TMEM168: variants seen among roughly 807,000 people sequenced by gnomAD.
The protein encoded by TMEM168 is transmembrane protein 168.
A neutral mutation model predicts 53.2 loss-of-function variants in TMEM168; 40 were observed. The ratio of observed to expected loss-of-function variants is 0.75; its 90% confidence interval spans 0.58 to 0.98. The LOEUF (loss-of-function observed/expected upper bound fraction) is 0.98. Among genes scored for constraint, TMEM168 ranks in the 50% least tolerant of loss-of-function variants. TMEM168 has a pLI of 0.00. For missense variants in TMEM168, 771 were observed against 828.8 expected, an observed-to-expected ratio of 0.93 and a Z score of 0.86; for synonymous variants, 282 against 293.0, an observed-to-expected ratio of 0.96 and a Z score of 0.38.
Position 112,784,486 on chromosome 7 carries a change from A to C in TMEM168, c.340T>G (p.Phe114Val), listed in dbSNP as rs1337748836. 6.2e-7 allele frequency: 1 copy of C among 1,614,136 alleles called. No individual in the cohort carries two copies. Among genetic ancestry groups the C allele is most frequent in the Admixed American group, 1.7e-5 (1 of 60,024 alleles). ...GLLCFLDNSS[F>V]KNDVKEESTK... Reference sequence around the variant, plus strand: ...GATTCTTCTTTTACATCATTTTTAAAGGATGAATTATCAAGAAAACATAGG... The same window carrying C: ...GATTCTTCTTTTACATCATTTTTAACGGATGAATTATCAAGAAAACATAGG... Residue 114 changes from phenylalanine to valine, a missense_variant, in exon 2 of 5, where the codon TTT becomes GTT. Transcript: ENST00000312814.
At chr7:112,768,037 A>G (rs1016874902) in intron 4 of TMEM168, among the ~76,000 whole-genome samples, 1 of 152,194 alleles carries the variant, frequency 6.6e-6, no homozygotes, top group Non-Finnish European at 1.5e-5. Flanking sequence ...ACACAGTTGT[A>G]TTTAGTGAAA....
rs1477276727 is a variant in TMEM168, at chr7:112,778,149, C to G, written c.1129-2831G>C. 37 of 152,188 alleles carry G rather than the reference C, an allele frequency of 2.4e-4. 1 individual carries two copies. The allele number at this position is 152,188 out of a possible 1,614,324, so 9.4% of individuals were successfully genotyped here. On this transcript the variant is annotated intron_variant, in intron 2 of 4. Coordinates refer to ENST00000312814, the MANE Select transcript of TMEM168 (RefSeq NM_022484.6). ...AGGACACAAGGGCAGAAAGCAAGTT[C>G]ATGAGAGGGCTATAACACACATGGC...
chr7:112,781,829 C>A (rs1032176861), intron 2 of TMEM168, among the ~76,000 whole-genome samples: 1 of 151,898 alleles, frequency 6.6e-6, no homozygotes, highest in African/African-American at 2.4e-5. Context: ...GCAAAGAATT[C>A]TTAGATAAGA....
chr7:112,790,020 T>G (rs1331597943), intron 1 of TMEM168, 140 bp downstream of exon 1: 2 of 152,188 alleles, frequency 1.3e-5, no homozygotes, highest in African/African-American at 2.4e-5. Context: ...CAACCACCAC[T>G]GTCAACTCCT....
chr7:112,770,256 C>T (rs1227639651), intron 4 of TMEM168, among the ~76,000 whole-genome samples: 1 of 152,136 alleles, frequency 6.6e-6, no homozygotes, highest in Non-Finnish European at 1.5e-5. Flanking sequence ...AACCTGACTA[C>T]CCACAAGTAT....
At chr7:112,775,733 A>G (rs2116257466) in intron 2 of TMEM168, among the ~76,000 whole-genome samples, 1 of 152,312 alleles carries the variant, frequency 6.6e-6, no homozygotes, top group South Asian at 2.1e-4. Flanking sequence ...CTTTATCAAA[A>G]AGAGTGCTTT....
intron 2 of TMEM168, among the ~76,000 whole-genome samples, chr7:112,782,073 T>A (rs1188114010): frequency 6.6e-6 from 1 of 152,110 alleles, no homozygotes; most frequent in African/African-American, 2.4e-5. Flanking sequence ...GCAAAAGATG[T>A]GAATATTTAA....
chr7:112,784,904 G>C lies in TMEM168; in HGVS notation c.-79C>G. On this transcript the variant is annotated 5_prime_UTR_variant, in exon 2 of 5. Transcript: ENST00000312814. Reference sequence around the variant, plus strand: ...TTCATCCAGTATATCCAATGTATCCGCAACTCCTATTTCAACATTTTCTCT... The same window carrying C: ...TTCATCCAGTATATCCAATGTATCCCCAACTCCTATTTCAACATTTTCTCT... The C allele has an allele frequency of 2.4e-6, 3 of 1,245,406 alleles. No individual in the cohort carries two copies. The highest frequency in any genetic ancestry group is 3.2e-6 in the Non-Finnish European group (3 of 946,280). 77.1% of individuals were successfully genotyped at this position (1,245,406 alleles called of 1,614,324 possible). A position where few individuals can be genotyped will look rare whatever the true frequency, so the allele number is the denominator to read the frequency against.
rs1483570699 is a variant in TMEM168, at chr7:112,790,380, C to T, written c.-349G>A. 1 of 152,248 alleles carries T rather than the reference C, an allele frequency of 6.6e-6. No individual in the cohort carries two copies. The allele number at this position is 152,248 out of a possible 1,614,324, so 9.4% of individuals were successfully genotyped here. A position where few individuals can be genotyped will look rare whatever the true frequency, so the allele number is the denominator to read the frequency against. ...CCCGGCCGCGACCGCCATGTTTCCG[C>T]CGCCGAAATCCGCGACGGTACGGAA... On this transcript the variant is annotated 5_prime_UTR_variant, in exon 1 of 5. Transcript: ENST00000312814.
intron 2 of TMEM168, among the ~76,000 whole-genome samples, chr7:112,776,779 GATAC>G (rs1049447738): frequency 1.5e-4 from 22 of 150,804 alleles, no homozygotes; most frequent in African/African-American, 4.6e-4. Context: ...ACCAAAATGG[GATAC>G]ATAATCTATC....
In TMEM168 at chr7:112,784,850, C is replaced by T. The variant is rs1470204344; in HGVS notation, c.-25G>A. 2 of 1,516,306 alleles carry T rather than the reference C, an allele frequency of 1.3e-6. No homozygotes were observed. Among genetic ancestry groups the T allele is most frequent in the Non-Finnish European group, 1.8e-6 (2 of 1,141,262 alleles). 93.9% of individuals were successfully genotyped at this position (1,516,306 alleles called of 1,614,324 possible). The stretch of plus-strand genomic sequence containing the variant: ...TGTAACCAGCAATGTGGGCTTTTCC[C>T]TCACGTTACAAAAATTAACCGCTTG... On this transcript the variant is annotated 5_prime_UTR_variant, in exon 2 of 5. Transcript: ENST00000312814.
rs374321380 is a variant in TMEM168 at position 112,784,020 on chromosome 7, A to G, written c.806T>C (p.Phe269Ser). The G allele has an allele frequency of 6.8e-6, 11 of 1,613,294 alleles. No individual in the cohort carries two copies. In the African/African-American group the frequency reaches 1.3e-4, roughly 20 times the overall value. The change falls in exon 2 of 5, where the codon TTT becomes TCT. Residue 269 changes from phenylalanine (F) to serine (S), a missense_variant. Phe to Ser is a radical substitution (Grantham distance 155). Coordinates refer to ENST00000312814, the MANE Select transcript of TMEM168 (RefSeq NM_022484.6). ...AAATGTAAGCTCAATCATTCCAGCA[A>G]AAACGACTGAAAGTCTTCTGCAAAT... Reference protein sequence around the residue: ...GRICRRLSVVFAGMIELTFFI... With the variant: ...GRICRRLSVVSAGMIELTFFI...
rs1225140242 is a variant in TMEM168, at chr7:112,767,051, A to T, written c.*146T>A. The T allele has an allele frequency of 2.5e-6, 2 of 811,098 alleles. No individual in the cohort carries two copies. The highest frequency in any genetic ancestry group is 2.7e-5 in the East Asian group (1 of 37,274). 50.2% of individuals were successfully genotyped at this position (811,098 alleles called of 1,614,324 possible). A position where few individuals can be genotyped will look rare whatever the true frequency, so the allele number is the denominator to read the frequency against. On this transcript the variant is annotated 3_prime_UTR_variant, in exon 5 of 5. Transcript: ENST00000312814. ...TTTTTCCCAACGCCTTATATATACC[A>T]TAATTACTTAAGAAAAGACAAAGTG... is the stretch of plus-strand genomic sequence containing the variant.
At chr7:112,776,887 A>G (rs1013049180) in intron 2 of TMEM168, among the ~76,000 whole-genome samples, 9 of 152,188 alleles carry the variant, frequency 5.9e-5, no homozygotes, top group African/African-American at 2.2e-4. Context: ...AGTGGATCCC[A>G]TTATTGGTAT....
At chr7:112,779,585 C>T (rs1478817056) in intron 2 of TMEM168, among the ~76,000 whole-genome samples, 1 of 152,114 alleles carries the variant, frequency 6.6e-6, no homozygotes, top group East Asian at 1.9e-4. Flanking sequence ...CCAAATTATC[C>T]TCAGCTCATT....
At chr7:112,777,216 A>G (rs1793108300) in intron 2 of TMEM168, among the ~76,000 whole-genome samples, 1 of 152,158 alleles carries the variant, frequency 6.6e-6, no homozygotes, top group South Asian at 2.1e-4. Flanking sequence ...CATTAAGAAG[A>G]TATTTTAACA....
chr7:112,777,031 A>G lies in TMEM168; in HGVS notation c.1129-1713T>C, dbSNP rs202107426. On this transcript the variant is annotated intron_variant, in intron 2 of 4. Transcript: ENST00000312814. The stretch of plus-strand genomic sequence containing the variant: ...TGTTAAATATTTTGCCCACCTTTCT[A>G]TGGGGTTGACCTTTTCTTCACTGAT... 3.3e-5 allele frequency among the ~76,000 whole-genome samples: 5 copies of G among 152,166 alleles called. No individual in the cohort carries two copies. In the East Asian group the frequency reaches 7.7e-4, roughly 23 times the overall value.
Position 112,765,463 on chromosome 7 carries a change from G to A in TMEM168, c.*1734C>T, listed in dbSNP as rs1407295952. ...TTTAAAGCTAACCTGCTCACAAATA[G>A]CTGAGAAATTTAAAAGGAGATTTTA... On this transcript the variant is annotated 3_prime_UTR_variant, in exon 5 of 5. Coordinates refer to ENST00000312814, the MANE Select transcript of TMEM168 (RefSeq NM_022484.6). 1.3e-5 allele frequency: 2 copies of A among 152,080 alleles called. No individual in the cohort carries two copies. Among genetic ancestry groups the A allele is most frequent in the African/African-American group, 4.8e-5 (2 of 41,418 alleles). 9.4% of individuals were successfully genotyped at this position (152,080 alleles called of 1,614,324 possible).
Position 112,784,643 on chromosome 7 carries a change from A to G in TMEM168, c.183T>C (p.Asn61=), listed in dbSNP as rs1284157550. The change falls in exon 2 of 5, where the codon AAT becomes AAC. Residue 61 remains asparagine (N), a synonymous_variant. Coordinates refer to ENST00000312814, the MANE Select transcript of TMEM168 (RefSeq NM_022484.6). ...GLYVRWEKTA[N]SLILVIFILG... Reference sequence around the variant, plus strand: ...GAATAAAAATTACCAAAATTAAGGAATTTGCTGTTTTTTCCCATCTTACGT... The same window carrying G: ...GAATAAAAATTACCAAAATTAAGGAGTTTGCTGTTTTTTCCCATCTTACGT... The G allele has an allele frequency of 6.2e-7, 1 of 1,612,098 alleles. No homozygotes were observed. Among genetic ancestry groups the G allele is most frequent in the Non-Finnish European group, 8.5e-7 (1 of 1,179,490 alleles).
Sources: gnomAD v4.1 joint callset for allele counts (sites outside exome capture counted in the v4.1 genomes callset) on GRCh38, gnomAD v4.1.1 for gene constraint, MANE v1.5 for transcripts, NCBI Gene and HGNC (gene_info 2026-07-23, HGNC 2026-07-21) for gene names.